SAMD4A: variants seen among roughly 807,000 people sequenced by gnomAD.
The protein encoded by SAMD4A is protein Smaug homolog 1.
SAMD4A carries 33 observed loss-of-function variants against 81.3 expected under a neutral mutation model. That is an observed-to-expected ratio of 0.41 (90% CI 0.31 to 0.54). The LOEUF (loss-of-function observed/expected upper bound fraction) is 0.54, where lower values mean the gene tolerates loss of function less well. SAMD4A is among the 20% of genes least tolerant of loss of function. SAMD4A has a pLI of 0.37. For synonymous variants in SAMD4A, 389 were observed against 382.1 expected (o/e 1.02, Z -0.21); for missense variants, 854 against 951.1 (o/e 0.90, Z 1.34).
At chr14:54,742,649 A>G (rs2037873511) in intron 4 of SAMD4A, among the ~76,000 whole-genome samples, 3 of 152,084 alleles carry the variant, frequency 2.0e-5, no homozygotes, top group Non-Finnish European at 4.4e-5. Context: ...AGAGATTGGC[A>G]CTCTGTTTCT....
chr14:54,584,820 A>C (rs576310422), intron 2 of SAMD4A, among the ~76,000 whole-genome samples: 1 of 152,332 alleles, frequency 6.6e-6, no homozygotes, highest in Admixed American at 6.5e-5. Context: ...TGAGAAATCT[A>C]TTTTATTAAG....
At chr14:54,617,255 A>G (rs2034511655) in intron 2 of SAMD4A, among the ~76,000 whole-genome samples, 1 of 152,186 alleles carries the variant, frequency 6.6e-6, no homozygotes, top group Non-Finnish European at 1.5e-5. Context: ...CTGTATATGG[A>G]AGGATTGTGA....
In SAMD4A at chr14:54,788,955, C is replaced by G. The variant is rs11431; in HGVS notation, c.*11C>G. ...ACCTCCACCATCTAGAAGCTGAAGA[C>G]GAGAGTGACCGCGCTGGCCGTGAAA... is the stretch of plus-strand genomic sequence containing the variant. On this transcript the variant is annotated 3_prime_UTR_variant, in exon 13 of 13. Coordinates refer to ENST00000554335, the MANE Select transcript of SAMD4A (RefSeq NM_015589.6). The G allele has an allele frequency of 6.2e-7, 1 of 1,613,834 alleles. No homozygotes were observed.
chr14:54,758,858 A>G (rs2038315952), intron 6 of SAMD4A, among the ~76,000 whole-genome samples: 1 of 152,038 alleles, frequency 6.6e-6, no homozygotes, highest in Admixed American at 6.6e-5. Flanking sequence ...ATACTTCATC[A>G]GTGATTGGGA....
chr14:54,688,497 G>A (rs1181132416), intron 2 of SAMD4A, among the ~76,000 whole-genome samples: 1 of 152,174 alleles, frequency 6.6e-6, no homozygotes, highest in Non-Finnish European at 1.5e-5. Context: ...GCCAGACTTT[G>A]TTTATTCTTA....
At chr14:54,638,366 A>G (rs2035087192) in intron 2 of SAMD4A, among the ~76,000 whole-genome samples, 1 of 152,204 alleles carries the variant, frequency 6.6e-6, no homozygotes, top group Non-Finnish European at 1.5e-5. Context: ...TCAATCCTAT[A>G]CAAATCCCTG....
chr14:54,772,940 C>G (rs143918176), intron 9 of SAMD4A, among the ~76,000 whole-genome samples: 48 of 152,226 alleles, frequency 3.2e-4, no homozygotes, highest in African/African-American at 1.0e-3. Context: ...CTGAGTTCTT[C>G]CTTCAAACCA....
intron 2 of SAMD4A, among the ~76,000 whole-genome samples, chr14:54,669,786 C>T (rs560444275): frequency 2.0e-5 from 3 of 152,276 alleles, no homozygotes; most frequent in South Asian, 2.1e-4. Flanking sequence ...AGTTGTCTGT[C>T]GCTTAGTAGC....
intron 2 of SAMD4A, among the ~76,000 whole-genome samples, chr14:54,678,484 T>TAGGTCA (rs1594799816): frequency 1.5e-5 from 1 of 64,844 alleles, no homozygotes; most frequent in African/African-American, 5.2e-5. Context: ...TGTGTGTGTG[T>TAGGTCA]GTGTGTGTGT....
chr14:54,629,313 C>T (rs905085878), intron 2 of SAMD4A, among the ~76,000 whole-genome samples: 10 of 152,202 alleles, frequency 6.6e-5, no homozygotes, highest in Non-Finnish European at 1.3e-4. Flanking sequence ...TGATTTCAGA[C>T]AACCTGATTT....
chr14:54,753,142 T>C (rs1053382488), intron 6 of SAMD4A, among the ~76,000 whole-genome samples: 25 of 152,356 alleles, frequency 1.6e-4, no homozygotes, highest in Middle Eastern at 3.4e-3. Flanking sequence ...GGCTTTCCTC[T>C]TTTACTAATG....
chr14:54,579,023 A>G (rs559618184), intron 2 of SAMD4A, among the ~76,000 whole-genome samples: 102 of 152,346 alleles, frequency 6.7e-4, no homozygotes, highest in African/African-American at 2.4e-3. Context: ...CTAAACCTCC[A>G]TATCTTTTTT....
chr14:54,641,381 A>G (rs1435298011), intron 2 of SAMD4A, among the ~76,000 whole-genome samples: 2 of 152,220 alleles, frequency 1.3e-5, no homozygotes, highest in African/African-American at 4.8e-5. Flanking sequence ...AGCCCTACAG[A>G]TCACAACCTA....
intron 2 of SAMD4A, among the ~76,000 whole-genome samples, chr14:54,637,981 C>T (rs2035076660): frequency 6.6e-6 from 1 of 152,178 alleles, no homozygotes; most frequent in Non-Finnish European, 1.5e-5. Context: ...GGAAGGTCTC[C>T]AGCATCAAAG....
intron 2 of SAMD4A, among the ~76,000 whole-genome samples, chr14:54,647,907 G>C (rs1385685648): frequency 6.6e-6 from 1 of 152,210 alleles, no homozygotes; most frequent in Non-Finnish European, 1.5e-5. Flanking sequence ...AAAGTGTTGG[G>C]TTGTATAAAA....
At chr14:54,618,569 T>A (rs1359632093) in intron 2 of SAMD4A, among the ~76,000 whole-genome samples, 6 of 152,204 alleles carry the variant, frequency 3.9e-5, no homozygotes, top group Non-Finnish European at 7.3e-5. Flanking sequence ...ACTGAAGAAT[T>A]TAAGTCAAGT....
At chr14:54,676,710 A>T (rs892134819) in intron 2 of SAMD4A, among the ~76,000 whole-genome samples, 4 of 152,010 alleles carry the variant, frequency 2.6e-5, no homozygotes, top group Admixed American at 2.0e-4. Flanking sequence ...GTATATTTCC[A>T]CCTTGCCAGG....
intron 2 of SAMD4A, among the ~76,000 whole-genome samples, chr14:54,644,723 A>G (rs976668012): frequency 1.3e-5 from 2 of 152,222 alleles, no homozygotes; most frequent in South Asian, 2.1e-4. Flanking sequence ...GTAAGTTAGT[A>G]TGATTCAGAT....
Position 54,770,184 on chromosome 14 carries a change from A to G in SAMD4A, c.1677A>G (p.Lys559=). Residue 559 remains lysine (K), a synonymous_variant, in exon 9 of 13, where the codon AAA becomes AAG. Transcript: ENST00000554335. The part of the protein sequence containing the change: ...VQKLFRSFPR[K]TLLDISGYRQ... ...AGCTCTTTCGGTCTTTCCCTCGGAA[A>G]ACCCTTCTAGACATATCAGGATATC... 6.2e-7 allele frequency: 1 copy of G among 1,613,936 alleles called. No homozygotes were observed. The highest frequency in any genetic ancestry group is 2.2e-5 in the East Asian group (1 of 44,890).
Sources: gnomAD v4.1 joint callset for allele counts (sites outside exome capture counted in the v4.1 genomes callset) on GRCh38, gnomAD v4.1.1 for gene constraint, MANE v1.5 for transcripts, NCBI Gene and HGNC (gene_info 2026-07-23, HGNC 2026-07-21) for gene names.